The following ZC3H12D variants were observed in gnomAD, a reference collection of about 807,000 sequenced individuals.
ZC3H12D encodes the protein zinc finger CCCH-type containing 12D.
A neutral mutation model predicts 24.2 loss-of-function variants in ZC3H12D; 11 were observed. The ratio of observed to expected loss-of-function variants is 0.46; its 90% confidence interval spans 0.29 to 0.75. The LOEUF (loss-of-function observed/expected upper bound fraction) is 0.75, where lower values mean the gene tolerates loss of function less well. Among genes scored for constraint, ZC3H12D ranks in the 30% least tolerant of loss-of-function variants. The pLI is 0.11. For missense variants in ZC3H12D, 740 were observed against 767.7 expected, an observed-to-expected ratio of 0.96 and a Z score of 0.43; for synonymous variants, 333 against 341.8, an observed-to-expected ratio of 0.97 and a Z score of 0.28.
chr6:149,461,069 G>A (rs1006418427), intron 3 of ZC3H12D, among the ~76,000 whole-genome samples: 5 of 152,174 alleles, frequency 3.3e-5, no homozygotes, highest in African/African-American at 1.2e-4. Context: ...GAGGCTGGGT[G>A]AGGTGGCTCT....
At chr6:149,482,914 C>A (rs148468252) in intron 1 of ZC3H12D, 1 of 152,218 alleles carries the variant, frequency 6.6e-6, no homozygotes, top group Non-Finnish European at 1.5e-5. Flanking sequence ...CAGAAGGCAC[C>A]GCCCAGGGCT....
intron 2 of ZC3H12D, among the ~76,000 whole-genome samples, chr6:149,467,614 G>T (rs1339662386): frequency 6.6e-6 from 1 of 152,106 alleles, no homozygotes; most frequent in Admixed American, 6.5e-5. Context: ...TGCACGTTTT[G>T]CCTCATTTAA....
chr6:149,465,687 G>A (rs1423199034), intron 2 of ZC3H12D, among the ~76,000 whole-genome samples: 1 of 151,252 alleles, frequency 6.6e-6, no homozygotes, highest in Non-Finnish European at 1.5e-5. Context: ...CCTGGGAGGT[G>A]GAGGTCACAG....
At position 149,448,341 on chromosome 6, in the gene ZC3H12D, G is replaced by A. The variant is rs1775822227; in HGVS notation, c.*2342C>T. 1 of 151,818 alleles carries A rather than the reference G, an allele frequency of 6.6e-6. No homozygotes were observed. Among genetic ancestry groups the A allele is most frequent in the South Asian group, 2.1e-4 (1 of 4,806 alleles). 9.4% of individuals were successfully genotyped at this position (151,818 alleles called of 1,614,324 possible). The stretch of plus-strand genomic sequence containing the variant: ...AATAAAAAAAATAAAGGCCCGTTGA[G>A]GTGGCTCATGCCTGTAATCCCAACG... On this transcript the variant is annotated 3_prime_UTR_variant, in exon 6 of 6. Transcript: ENST00000409806.
At chr6:149,474,755 C>T (rs1207764978) in intron 1 of ZC3H12D, 142 bp from the exon 2 acceptor site, 2 of 430,882 alleles carry the variant, frequency 4.6e-6, no homozygotes, top group Non-Finnish European at 8.1e-6. Context: ...TTCAGTTGCT[C>T]AATGTGGCTG....
intron 1 of ZC3H12D, among the ~76,000 whole-genome samples, chr6:149,474,831 C>T (rs1038674828): frequency 4.1e-4 from 63 of 152,326 alleles, no homozygotes; most frequent in African/African-American, 1.4e-3. Context: ...CCCACACTGC[C>T]CGGCAGGGCA....
chr6:149,484,574 G>A (rs555302639), intron 1 of ZC3H12D, among the ~76,000 whole-genome samples: 39 of 152,340 alleles, frequency 2.6e-4, no homozygotes, highest in Non-Finnish European at 4.6e-4. Flanking sequence ...TTGCTAAAAT[G>A]AGCAAGGATT....
chr6:149,471,696 C>T (rs1776246551), intron 2 of ZC3H12D, among the ~76,000 whole-genome samples: 1 of 152,218 alleles, frequency 6.6e-6, no homozygotes, highest in South Asian at 2.1e-4. Context: ...CTGAGGAACA[C>T]AGTCTCTAGA....
intron 2 of ZC3H12D, among the ~76,000 whole-genome samples, chr6:149,468,084 C>T (rs1030638210): frequency 3.9e-5 from 6 of 152,152 alleles, no homozygotes; most frequent in Non-Finnish European, 8.8e-5. Flanking sequence ...CAGGTTCAAG[C>T]GATTCTCCTG....
intron 1 of ZC3H12D, among the ~76,000 whole-genome samples, chr6:149,477,944 G>A (rs535585676): frequency 6.1e-4 from 92 of 151,990 alleles, no homozygotes; most frequent in South Asian, 1.9e-3. Flanking sequence ...TGAGGCGGGC[G>A]GATCACGAGG....
At chr6:149,473,633 G>C (rs938715430) in intron 2 of ZC3H12D, among the ~76,000 whole-genome samples, 1 of 152,152 alleles carries the variant, frequency 6.6e-6, no homozygotes, top group Non-Finnish European at 1.5e-5. Context: ...TGCAGCTCAG[G>C]GGGCCACAAA....
rs1416850787 is a variant in ZC3H12D at position 149,450,874 on chromosome 6, G to A, written c.1393C>T (p.Leu465Phe). ...TCGTCCTCGGTCGCGTACACTGAAA[G>A]TCCCCCAGTGGCGCCGTCGCCCCAG... Reference protein sequence around the residue: ...PAWGDGATGGLSVYATEDDEG... With the variant: ...PAWGDGATGGFSVYATEDDEG... The change falls in exon 6 of 6, where the codon CTT (leucine) becomes TTT (phenylalanine). Residue 465 changes from leucine (L) to phenylalanine (F), a missense_variant. Physicochemically the swap from Leu to Phe is conservative, Grantham distance 22 (BLOSUM62 0). Coordinates refer to ENST00000409806, the MANE Select transcript of ZC3H12D (RefSeq NM_207360.3). The A allele has an allele frequency of 3.9e-6, 6 of 1,541,950 alleles. No individual in the cohort carries two copies. In the Admixed American group the frequency reaches 1.2e-4, roughly 30 times the overall value.
chr6:149,468,191 G>A (rs55806398), intron 2 of ZC3H12D, among the ~76,000 whole-genome samples: 6,734 of 152,188 alleles, frequency 0.044, 355 homozygotes, highest in African/African-American at 0.12. Context: ...ACGTTGGTCA[G>A]GCTGGTCTCA....
At chr6:149,462,248 C>A (rs1438970753) in intron 2 of ZC3H12D, among the ~76,000 whole-genome samples, 2 of 152,136 alleles carry the variant, frequency 1.3e-5, no homozygotes, top group Non-Finnish European at 2.9e-5. Flanking sequence ...GTGGTGCACA[C>A]CTGCAATCCC....
intron 1 of ZC3H12D, among the ~76,000 whole-genome samples, chr6:149,481,068 T>C (rs975564996): frequency 7.3e-6 from 1 of 137,704 alleles, no homozygotes; most frequent in African/African-American, 2.9e-5. Context: ...TCACCCAGCC[T>C]GACAGGCCAG....
intron 2 of ZC3H12D, among the ~76,000 whole-genome samples, chr6:149,466,644 G>A (rs1271707345): frequency 6.6e-6 from 1 of 152,140 alleles, no homozygotes; most frequent in South Asian, 2.1e-4. Context: ...TTGGGAGGCC[G>A]AGGCGGGCGG....
chr6:149,470,645 A>G (rs1776229456), intron 2 of ZC3H12D, among the ~76,000 whole-genome samples: 1 of 152,216 alleles, frequency 6.6e-6, no homozygotes, highest in Non-Finnish European at 1.5e-5. Flanking sequence ...GTTTAGTCCA[A>G]CATCCTAATT....
At chr6:149,469,644 CCT>C (rs755619113) in intron 2 of ZC3H12D, among the ~76,000 whole-genome samples, 8 of 152,102 alleles carry the variant, frequency 5.3e-5, no homozygotes, top group Admixed American at 2.0e-4. Flanking sequence ...AGCTGATGTC[CCT>C]CTCTTTCTCA....
Position 149,450,924 on chromosome 6 carries a change from C to T in ZC3H12D, c.1343G>A (p.Gly448Glu), listed in dbSNP as rs1273770514. ...GGCCGGCTCCGCCCAGACGGAGCGC[C>T]CAGGGAAGCGGTCGGAGCGGGGTGG... ...ARPPRSDRFPGRSVWAEPAWG... is the reference protein window; with the variant it reads ...ARPPRSDRFPERSVWAEPAWG... The change falls in exon 6 of 6, where the codon GGG becomes GAG. Residue 448 changes from glycine (G) to glutamate (E), a missense_variant. Coordinates refer to ENST00000409806, the MANE Select transcript of ZC3H12D (RefSeq NM_207360.3). The T allele has an allele frequency of 1.3e-6, 2 of 1,539,988 alleles. No individual in the cohort carries two copies. The highest frequency in any genetic ancestry group is 2.4e-5 in the South Asian group (2 of 83,966).
Sources: gnomAD v4.1 joint callset for allele counts (sites outside exome capture counted in the v4.1 genomes callset) on GRCh38, gnomAD v4.1.1 for gene constraint, MANE v1.5 for transcripts, NCBI Gene and HGNC (gene_info 2026-07-23, HGNC 2026-07-21) for gene names.